The following GPRC5B variants were observed in gnomAD, a reference collection of about 807,000 sequenced individuals.
The protein encoded by GPRC5B is G protein-coupled receptor family C group 5 member B.
In GPRC5B, 16 loss-of-function variants were observed where a neutral mutation model predicts 30.1. The observed-to-expected ratio is 0.53, with a 90% CI of 0.36 to 0.81. The LOEUF is 0.81. Ranked by LOEUF, GPRC5B falls within the 30% of genes least tolerant of loss-of-function variation. GPRC5B has a pLI of 0.01. For synonymous variants in GPRC5B, 241 were observed against 239.5 expected, an observed-to-expected ratio of 1.01 and a Z score of -0.06; for missense variants, 428 against 544.7, an observed-to-expected ratio of 0.79 and a Z score of 2.13.
chr16:19,880,275 T>C (rs2056794210), intron 1 of GPRC5B, among the ~76,000 whole-genome samples: 1 of 149,006 alleles, frequency 6.7e-6, no homozygotes, highest in Non-Finnish European at 1.5e-5. Context: ...GAGATGGTGT[T>C]GTAACGAGGT....
chr16:19,879,105 CCCA>C (rs1555459027), intron 1 of GPRC5B, among the ~76,000 whole-genome samples: 3 of 152,086 alleles, frequency 2.0e-5, no homozygotes, highest in Non-Finnish European at 4.4e-5. Flanking sequence ...CAGGTAAGCC[CCCA>C]TCCTGCTAAA....
rs1231104990 is a variant in GPRC5B at position 19,857,795 on chromosome 16, A to T, written c.*2705T>A. On this transcript the variant is annotated 3_prime_UTR_variant, in exon 4 of 4. Coordinates refer to ENST00000300571, the MANE Select transcript of GPRC5B (RefSeq NM_016235.3). ...TGGGCGCCCAGCTTCCAACAACCAGATCTTCAACTCTGGAATCCCTGGAGA... is the reference window on the plus strand; with the variant it reads ...TGGGCGCCCAGCTTCCAACAACCAGTTCTTCAACTCTGGAATCCCTGGAGA... 1.9e-5 allele frequency: 3 copies of T among 154,772 alleles called. No individual in the cohort carries two copies. The highest frequency in any genetic ancestry group is 4.2e-5 in the Non-Finnish European group (3 of 71,320). The allele number at this position is 154,772 out of a possible 1,614,324, so 9.6% of individuals were successfully genotyped here.
At chr16:19,867,630 A>G (rs750505307) in intron 2 of GPRC5B, among the ~76,000 whole-genome samples, 1 of 152,204 alleles carries the variant, frequency 6.6e-6, no homozygotes, top group Non-Finnish European at 1.5e-5. Flanking sequence ...AAAGCCATAG[A>G]ACAATTCCCT....
At chr16:19,868,944 G>A (rs2056688644) in intron 2 of GPRC5B, among the ~76,000 whole-genome samples, 1 of 152,150 alleles carries the variant, frequency 6.6e-6, no homozygotes, top group South Asian at 2.1e-4. Flanking sequence ...AATTCTCAGA[G>A]CCTCCATTTA....
chr16:19,864,974 G>A (rs1366660967), intron 2 of GPRC5B, among the ~76,000 whole-genome samples: 2 of 147,690 alleles, frequency 1.4e-5, no homozygotes, highest in African/African-American at 2.5e-5. Context: ...GTGTGAATAC[G>A]GCTCATTGCA....
intron 2 of GPRC5B, among the ~76,000 whole-genome samples, chr16:19,871,246 G>GCA (rs2056715199): frequency 7.7e-6 from 1 of 129,048 alleles, no homozygotes; most frequent in Non-Finnish European, 1.6e-5. Context: ...TCACACTGTT[G>GCA]CACTCAGCCT....
In GPRC5B at chr16:19,872,285, A is replaced by C; in HGVS notation, c.561T>G (p.Arg187=). The change falls in exon 2 of 4, where the codon CGT becomes CGG. Residue 187 remains arginine (R), a synonymous_variant. Transcript: ENST00000300571. This position sits in a 1 kb window ranked among gnomAD's most constrained non-coding sequence, Gnocchi z 5.0. Reference sequence around the variant, plus strand: ...CGTAGGCGCAGGCTGGCCTTGTGTCACGCAGCACGGTGAGCACCAGCCACT... The same window carrying C: ...CGTAGGCGCAGGCTGGCCTTGTGTCCCGCAGCACGGTGAGCACCAGCCACT... ...AVEWLVLTVL[R]DTRPACAYEP... is the part of the protein sequence containing the mutation. 3 of 1,613,918 alleles carry C rather than the reference A, an allele frequency of 1.9e-6. No homozygotes were observed. Among genetic ancestry groups the C allele is most frequent in the Non-Finnish European group, 2.5e-6 (3 of 1,180,000 alleles).
chr16:19,871,044 G>T (rs2056713167), intron 2 of GPRC5B, among the ~76,000 whole-genome samples: 1 of 151,820 alleles, frequency 6.6e-6, no homozygotes, highest in South Asian at 2.1e-4. Flanking sequence ...AGAGTTTTGG[G>T]AGGCTGAGGC....
At chr16:19,863,782 T>G (rs1229942278) in intron 2 of GPRC5B, among the ~76,000 whole-genome samples, 1 of 152,068 alleles carries the variant, frequency 6.6e-6, no homozygotes. Flanking sequence ...ATTACAGGCA[T>G]GAGTCACTGT....
rs533405671 is a variant in GPRC5B, at chr16:19,869,925, G to A, written c.1030+1891C>T. Among the ~76,000 whole-genome samples the A allele has an allele frequency of 1.4e-4, 22 of 152,130 alleles. No homozygotes were observed. The East Asian group carries it at 4.3e-3, about 29-fold the overall frequency. On this transcript the variant is annotated intron_variant, in intron 2 of 3. Coordinates refer to ENST00000300571, the MANE Select transcript of GPRC5B (RefSeq NM_016235.3). ...CATGTCTATCAAAAATAAAAAATAA[G>A]TTAACTGGGTGTGGTGGTGTGTGCC... is the stretch of plus-strand genomic sequence containing the variant.
At position 19,861,087 on chromosome 16, in the gene GPRC5B, T is replaced by TAAA. The variant is rs3067833; in HGVS notation, c.1168-546_1168-544dup. Among the ~76,000 whole-genome samples, 92 of 93,370 alleles carry TAAA rather than the reference T, an allele frequency of 9.9e-4. 6 individuals are homozygous for TAAA. The Middle Eastern group carries it at 0.022, about 23-fold the overall frequency. The allele number at this position is 93,370 out of a possible 152,430, so 61.3% of individuals were successfully genotyped here. A position where few individuals can be genotyped will look rare whatever the true frequency, so the allele number is the denominator to read the frequency against. Reference sequence around the variant, plus strand: ...GATCAAAGACCATCCCTGATTTACATAAAAAAAAAAAAAAAAAGAAGAATG... The same window carrying TAAA: ...GATCAAAGACCATCCCTGATTTACATAAAAAAAAAAAAAAAAAAAAGAAGAATG... On this transcript the variant is annotated intron_variant, in intron 3 of 3. Coordinates refer to ENST00000300571, the MANE Select transcript of GPRC5B (RefSeq NM_016235.3).
intron 2 of GPRC5B, among the ~76,000 whole-genome samples, chr16:19,865,676 TAAG>T (rs1400785164): frequency 6.6e-6 from 1 of 152,152 alleles, no homozygotes; most frequent in African/African-American, 2.4e-5. Flanking sequence ...GATGAATGCA[TAAG>T]AATGTTCATT....
At chr16:19,869,867 T>C (rs1283449457) in intron 2 of GPRC5B, among the ~76,000 whole-genome samples, 1 of 152,082 alleles carries the variant, frequency 6.6e-6, no homozygotes, top group Non-Finnish European at 1.5e-5. Context: ...GGCTCAGGAA[T>C]TCGAGACCAC....
intron 1 of GPRC5B, among the ~76,000 whole-genome samples, chr16:19,873,915 G>A (rs1292639): frequency 0.33 from 49,662 of 151,908 alleles, 8,214 homozygotes; most frequent in Non-Finnish European, 0.34. Context: ...GAGTAGCTGG[G>A]ATTACAGGCG....
In GPRC5B at chr16:19,875,080, C is replaced by T. The variant is rs544014492; in HGVS notation, c.-1-2234G>A. ...AGTAAATGCGGTATCGACCACCTCA[C>T]TGTTACAGAGATCCTGTGAGCATCT... On this transcript the variant is annotated intron_variant, in intron 1 of 3. Transcript: ENST00000300571. Among the ~76,000 whole-genome samples the T allele has an allele frequency of 2.2e-3, 329 of 152,326 alleles. 2 individuals carry two copies. The highest frequency in any genetic ancestry group is 7.7e-3 in the African/African-American group (318 of 41,566).
At chr16:19,882,135 C>T (rs1056023060) in intron 1 of GPRC5B, 5 of 152,292 alleles carry the variant, frequency 3.3e-5, no homozygotes, top group African/African-American at 9.6e-5. Context: ...TTCTCACCCT[C>T]TGATATCTTT....
Position 19,856,748 on chromosome 16 carries a change from T to G in GPRC5B, c.*3752A>C, listed in dbSNP as rs1298416425. The G allele has an allele frequency of 1.8e-5, 10 of 559,758 alleles. No individual in the cohort carries two copies. Among genetic ancestry groups the G allele is most frequent in the East Asian group, 1.8e-4 (6 of 33,706 alleles). The allele number at this position is 559,758 out of a possible 1,614,324, so 34.7% of individuals were successfully genotyped here. ...TAGAAAAGAAAGGACCAGTCTTCAC[T>G]TTCTGCATTATCCCCACATTTTATT... On this transcript the variant is annotated 3_prime_UTR_variant, in exon 4 of 4. Transcript: ENST00000300571.
At chr16:19,885,380 C>T (rs1311303333), upstream of GPRC5B, 4 of 1,179,688 alleles carry the variant, frequency 3.4e-6, no homozygotes, top group African/African-American at 6.5e-5. This position sits in a 1 kb window ranked among gnomAD's most constrained non-coding sequence, Gnocchi z 5.3. Flanking sequence ...CCGGTATACA[C>T]CTAGGCGCAC....
In GPRC5B at chr16:19,860,554, CA is replaced by C. The variant is rs761798492; in HGVS notation, c.1168-11del. ...GCGGAGCAGTTGGGATCTGGAATAA[CA>C]CATAAGGATAACACACTGAGAACTC... On this transcript the variant is annotated splice_polypyrimidine_tract_variant and intron_variant, in intron 3 of 3. Transcript: ENST00000300571. The C allele has an allele frequency of 6.5e-5, 102 of 1,579,464 alleles. No homozygotes were observed. Among genetic ancestry groups the C allele is most frequent in the Non-Finnish European group, 8.3e-5 (95 of 1,148,708 alleles).
Sources: allele counts gnomAD v4.1 joint callset (sites outside exome capture counted in the v4.1 genomes callset), GRCh38; gene constraint gnomAD v4.1.1; non-coding constraint Gnocchi (gnomAD v3.1); transcripts MANE v1.5; gene names NCBI Gene and HGNC (gene_info 2026-07-23, HGNC 2026-07-21).